Variants in PTPN5 observed in about 807,000 individuals in gnomAD.
The protein encoded by PTPN5 is protein tyrosine phosphatase non-receptor type 5.
In PTPN5, 29 loss-of-function variants were observed where a neutral mutation model predicts 73.9. The observed-to-expected ratio is 0.39, with a 90% confidence interval of 0.29 to 0.54. The LOEUF is 0.54. Among genes scored for constraint, PTPN5 ranks in the 20% least tolerant of loss-of-function variants. PTPN5 has a pLI of 0.65. For synonymous variants in PTPN5, 267 were observed against 304.7 expected (o/e 0.88, Z 1.29); for missense variants, 652 against 751.4 (o/e 0.87, Z 1.55).
At chr11:18,772,711 C>T (rs1300375295) in intron 1 of PTPN5, among the ~76,000 whole-genome samples, 2 of 152,170 alleles carry the variant, frequency 1.3e-5, no homozygotes, top group Non-Finnish European at 2.9e-5. Context: ...GAGTCTGATT[C>T]AGGGATTGGA....
intron 1 of PTPN5, among the ~76,000 whole-genome samples, chr11:18,773,644 T>G (rs569165799): frequency 6.6e-6 from 1 of 152,098 alleles, no homozygotes; most frequent in Non-Finnish European, 1.5e-5. Context: ...TCCTACCAGA[T>G]AGGGATGCTG....
At chr11:18,763,797 G>A in intron 3 of PTPN5, among the ~76,000 whole-genome samples, 1 of 152,188 alleles carries the variant, frequency 6.6e-6, no homozygotes, top group South Asian at 2.1e-4. Flanking sequence ...ACACTTGTGA[G>A]GATAAATATT....
intron 7 of PTPN5, among the ~76,000 whole-genome samples, chr11:18,741,801 C>T (rs991225238): frequency 6.6e-6 from 1 of 152,120 alleles, no homozygotes; most frequent in Non-Finnish European, 1.5e-5. Flanking sequence ...ATCATTTGTA[C>T]CCCAAACCTC....
chr11:18,758,586 A>G (rs1850252372), intron 3 of PTPN5, among the ~76,000 whole-genome samples: 1 of 152,226 alleles, frequency 6.6e-6, no homozygotes, highest in African/African-American at 2.4e-5. Context: ...GTTTGAAGCC[A>G]CTAAGTGTTG....
At chr11:18,792,011 C>G (rs890985985), upstream of PTPN5, 1 of 152,294 alleles carries the variant, frequency 6.6e-6, no homozygotes, top group African/African-American at 2.4e-5. Flanking sequence ...CAACTCTGCG[C>G]GGAGTCTCCG....
chr11:18,762,078 T>C (rs146740647), intron 3 of PTPN5, among the ~76,000 whole-genome samples: 1,839 of 152,044 alleles, frequency 0.012, 16 homozygotes, highest in Non-Finnish European at 0.02. Flanking sequence ...CTCTGGGGCA[T>C]TGGGGGGAGC....
chr11:18,786,467 G>A (rs2134372843), intron 1 of PTPN5, among the ~76,000 whole-genome samples: 1 of 152,316 alleles, frequency 6.6e-6, no homozygotes, highest in South Asian at 2.1e-4. Context: ...CTCTCAAAGT[G>A]CTGGGATTAC....
intron 3 of PTPN5, among the ~76,000 whole-genome samples, chr11:18,755,025 T>C (rs1239298185): frequency 6.6e-6 from 1 of 152,210 alleles, no homozygotes; most frequent in African/African-American, 2.4e-5. Flanking sequence ...CATGTCACTC[T>C]AGGATTAGGT....
At chr11:18,771,720 A>G (rs1257131141) in intron 2 of PTPN5, among the ~76,000 whole-genome samples, 1 of 152,202 alleles carries the variant, frequency 6.6e-6, no homozygotes. Context: ...ATTAAAGAAG[A>G]TGGCCAAACC....
chr11:18,740,077 CA>C (rs1336612767), intron 8 of PTPN5, among the ~76,000 whole-genome samples: 7 of 152,184 alleles, frequency 4.6e-5, no homozygotes, highest in Non-Finnish European at 1.0e-4. Flanking sequence ...GGCAGGTAAA[CA>C]GGGGTGCCAT....
intron 12 of PTPN5, chr11:18,730,288 T>G: frequency 4.1e-6 from 1 of 244,822 alleles, no homozygotes; most frequent in East Asian, 8.3e-5. Flanking sequence ...CACTCCCCGC[T>G]TCACTGCCAC....
At chr11:18,772,252 C>T (rs956631247) in intron 1 of PTPN5, among the ~76,000 whole-genome samples, 181 bp from the exon 2 acceptor site, 1 of 152,186 alleles carries the variant, frequency 6.6e-6, no homozygotes, top group Non-Finnish European at 1.5e-5. Flanking sequence ...GTATTTATAT[C>T]ATACCCCAAA....
rs1187217116 is a variant in PTPN5 at position 18,769,389 on chromosome 11, T to G, written c.20+2550A>C. Among the ~76,000 whole-genome samples, 8 of 150,442 alleles carry G rather than the reference T, an allele frequency of 5.3e-5. No individual in the cohort carries two copies. In the East Asian group the frequency reaches 1.4e-3, roughly 26 times the overall value. ...TCTCCAAGGGGGAGACAGGAGCTGGTTTTTTTTTAAATTAATTAATTAATT... is the reference window on the plus strand; with the variant it reads ...TCTCCAAGGGGGAGACAGGAGCTGGGTTTTTTTTAAATTAATTAATTAATT... On this transcript the variant is annotated intron_variant, in intron 2 of 14. Coordinates refer to ENST00000358540, the MANE Select transcript of PTPN5 (RefSeq NM_006906.2).
chr11:18,750,033 C>T (rs1378105730), intron 3 of PTPN5, among the ~76,000 whole-genome samples: 2 of 152,184 alleles, frequency 1.3e-5, no homozygotes, highest in Non-Finnish European at 2.9e-5. Context: ...CTGTCAGAGC[C>T]TGATGGGCCC....
intron 3 of PTPN5, among the ~76,000 whole-genome samples, chr11:18,748,793 G>A (rs1196637106): frequency 6.6e-6 from 1 of 152,112 alleles, no homozygotes; most frequent in Non-Finnish European, 1.5e-5. Context: ...CAAGCACTGG[G>A]AACACAAAGA....
intron 3 of PTPN5, among the ~76,000 whole-genome samples, chr11:18,763,660 T>C (rs781684148): frequency 2.6e-5 from 4 of 152,218 alleles, no homozygotes; most frequent in Non-Finnish European, 4.4e-5. Context: ...TGAACTTTCC[T>C]TAGGGAAGGG....
chr11:18,774,966 A>G (rs1301574543), intron 1 of PTPN5, among the ~76,000 whole-genome samples: 2 of 152,234 alleles, frequency 1.3e-5, no homozygotes, highest in African/African-American at 4.8e-5. Context: ...ACCGAAGAGG[A>G]TAACAATGAC....
intron 1 of PTPN5, among the ~76,000 whole-genome samples, chr11:18,789,726 T>C (rs1851826295): frequency 6.6e-6 from 1 of 152,214 alleles, no homozygotes; most frequent in East Asian, 1.9e-4. Context: ...TTCTCACTCA[T>C]AAGTGAGAGC....
chr11:18,776,974 T>C (rs1308010403), intron 1 of PTPN5, among the ~76,000 whole-genome samples: 1 of 151,860 alleles, frequency 6.6e-6, no homozygotes, highest in African/African-American at 2.4e-5. Context: ...CCAGCCTGAC[T>C]AACATGGTGA....
Sources: gnomAD v4.1 joint callset for allele counts (sites outside exome capture counted in the v4.1 genomes callset) on GRCh38, gnomAD v4.1.1 for gene constraint, MANE v1.5 for transcripts, NCBI Gene and HGNC (gene_info 2026-07-23, HGNC 2026-07-21) for gene names.